CERK: variants seen among roughly 807,000 people sequenced by gnomAD.
CERK encodes the protein acylsphingosine kinase.
Under a neutral mutation model 63.4 loss-of-function variants are expected in CERK, and 39 were observed. The observed-to-expected ratio is 0.61, with a 90% confidence interval of 0.48 to 0.80. The LOEUF is 0.80. CERK is among the 30% of genes least tolerant of loss of function. CERK has a pLI of 0.00. For synonymous variants in CERK, 302 were observed against 280.0 expected (o/e 1.08, Z -0.78); for missense variants, 670 against 714.1 (o/e 0.94, Z 0.70).
chr22:46,727,453 T>C (rs11090891), intron 1 of CERK, among the ~76,000 whole-genome samples: 28 of 30,234 alleles, frequency 9.3e-4, no homozygotes, highest in South Asian at 1.4e-3. Context: ...CTGTTTCTTT[T>C]TTTTTTTTTT....
At chr22:46,718,219 T>A (rs1162465744) in intron 3 of CERK, among the ~76,000 whole-genome samples, 1 of 151,328 alleles carries the variant, frequency 6.6e-6, no homozygotes, top group Non-Finnish European at 1.5e-5. Context: ...ATTATAAAGA[T>A]GAAAATGAAC....
Position 46,691,782 on chromosome 22 carries a change from A to G in CERK, c.1127-5T>C, listed in dbSNP as rs752294987. 6.2e-7 allele frequency: 1 copy of G among 1,605,330 alleles called. No individual in the cohort carries two copies. The highest frequency in any genetic ancestry group is 1.3e-5 in the African/African-American group (1 of 74,710). On this transcript the variant is annotated splice_polypyrimidine_tract_variant and splice_region_variant and intron_variant, in intron 10 of 12. Transcript: ENST00000216264. The stretch of plus-strand genomic sequence containing the variant: ...CTTGCCACTCCTCCACGTCCTCTGA[A>G]GCACAAAGAACCACGGAGATGTCAC...
intron 1 of CERK, among the ~76,000 whole-genome samples, chr22:46,733,085 G>A (rs1047957358): frequency 2.0e-5 from 3 of 150,722 alleles, no homozygotes; most frequent in African/African-American, 7.3e-5. Flanking sequence ...GTGGGTGCCT[G>A]TAGTCCCAGC....
chr22:46,725,868 C>A (rs556669543), intron 1 of CERK, among the ~76,000 whole-genome samples: 1 of 152,242 alleles, frequency 6.6e-6, no homozygotes. Flanking sequence ...GCTGAGAGCA[C>A]GCTGACTTCC....
intron 6 of CERK, among the ~76,000 whole-genome samples, chr22:46,705,960 C>T (rs1204653822): frequency 6.6e-6 from 1 of 152,210 alleles, no homozygotes; most frequent in Non-Finnish European, 1.5e-5. Flanking sequence ...TCACTTGAGC[C>T]TGGGGCAGTC....
intron 2 of CERK, among the ~76,000 whole-genome samples, chr22:46,720,487 G>A (rs953664884): frequency 2.6e-5 from 4 of 152,262 alleles, no homozygotes; most frequent in African/African-American, 9.6e-5. Context: ...CTGAGGTCAG[G>A]AGTTCAAGAC....
chr22:46,691,822 C>A, intron 10 of CERK, 45 bp from the exon 11 acceptor site: 2 of 1,523,080 alleles, frequency 1.3e-6, no homozygotes, highest in Non-Finnish European at 1.8e-6. Flanking sequence ...ACAATGGCGC[C>A]GGGCAGCGCC....
Position 46,720,912 on chromosome 22 carries a change from G to A in CERK, c.246C>T (p.Tyr82=), listed in dbSNP as rs1311810416. 2.4e-5 allele frequency: 39 copies of A among 1,596,166 alleles called. No individual in the cohort carries two copies. The highest frequency in any genetic ancestry group is 6.6e-5 in the South Asian group (6 of 90,726). Residue 82 remains tyrosine, a synonymous_variant, in exon 2 of 13, where the codon TAC becomes TAT. Transcript: ENST00000216264. ...ATTTAGGCTTATCACCTGTAAAAGCGTAAGGCTTTTCCATTTTCTGCCATT... is the reference window on the plus strand; with the variant it reads ...ATTTAGGCTTATCACCTGTAAAAGCATAAGGCTTTTCCATTTTCTGCCATT... The part of the protein sequence containing the change: ...SGKWQKMEKP[Y]AFTVHCVKRA...
In CERK at chr22:46,687,182, G is replaced by A; in HGVS notation, c.1566C>T (p.Leu522=). 6.2e-7 allele frequency: 1 copy of A among 1,614,150 alleles called. No homozygotes were observed. Among genetic ancestry groups the A allele is most frequent in the Non-Finnish European group, 8.5e-7 (1 of 1,180,028 alleles). ...EVRVHCQLVR[L]FARGIEENPK... ...GATTCTCTTCAATTCCTCGTGCAAAGAGTCGAACCAGCTGGCAGTGGACTC... is the reference window on the plus strand; with the variant it reads ...GATTCTCTTCAATTCCTCGTGCAAAAAGTCGAACCAGCTGGCAGTGGACTC... Residue 522 remains leucine (L), a synonymous_variant, in exon 13 of 13, where the codon CTC becomes CTT. Transcript: ENST00000216264.
chr22:46,733,234 AC>A (rs1163260905), intron 1 of CERK, among the ~76,000 whole-genome samples: 1 of 147,646 alleles, frequency 6.8e-6, no homozygotes, highest in Non-Finnish European at 1.5e-5. Context: ...AAAAAAATTA[AC>A]CCTTTCTCTA....
intron 3 of CERK, among the ~76,000 whole-genome samples, chr22:46,719,744 T>C (rs2082882801): frequency 2.6e-5 from 4 of 152,222 alleles, no homozygotes; most frequent in Admixed American, 2.6e-4. Flanking sequence ...TTCCTCCATG[T>C]GCCCAGTTTA....
At chr22:46,735,074 C>A (rs1057005586) in intron 1 of CERK, 8 of 118,940 alleles carry the variant, frequency 6.7e-5, no homozygotes, top group Non-Finnish European at 9.8e-5. Context: ...CCCTCACCCC[C>A]CAACACACAC....
chr22:46,704,244 C>G (rs924240280), intron 6 of CERK, among the ~76,000 whole-genome samples: 14 of 152,304 alleles, frequency 9.2e-5, no homozygotes, highest in Non-Finnish European at 1.5e-4. Context: ...GCCTGCATCC[C>G]CACGAGCACT....
chr22:46,698,628 T>C (rs135681), intron 8 of CERK, among the ~76,000 whole-genome samples: 132,209 of 152,206 alleles, frequency 0.87, 57,920 homozygotes, highest in African/African-American at 0.97. Flanking sequence ...TGGTTGCTCA[T>C]GGTTGTAATC....
chr22:46,735,687 C>T (rs1461102744), intron 1 of CERK, among the ~76,000 whole-genome samples: 1 of 152,180 alleles, frequency 6.6e-6, no homozygotes, highest in Non-Finnish European at 1.5e-5. Context: ...CATCATTCCT[C>T]AACCTAATCA....
At chr22:46,715,793 C>T (rs2082863342) in intron 3 of CERK, among the ~76,000 whole-genome samples, 2 of 152,138 alleles carry the variant, frequency 1.3e-5, no homozygotes, top group African/African-American at 2.4e-5. Context: ...AAATGTGAAG[C>T]GGAAAACAAT....
chr22:46,727,876 T>C (rs1386675527), intron 1 of CERK, among the ~76,000 whole-genome samples: 1 of 146,170 alleles, frequency 6.8e-6, no homozygotes, highest in Non-Finnish European at 1.5e-5. Context: ...GCATGGATGC[T>C]CCCTTAGCAT....
chr22:46,689,619 C>T (rs926773161), intron 12 of CERK, among the ~76,000 whole-genome samples: 4 of 152,210 alleles, frequency 2.6e-5, no homozygotes, highest in Non-Finnish European at 5.9e-5. Flanking sequence ...AGTGATCTGC[C>T]CGCCTCAGCC....
At chr22:46,690,304 G>A in intron 11 of CERK, 104 bp from the exon 12 acceptor site, 2 of 795,150 alleles carry the variant, frequency 2.5e-6, no homozygotes, top group Non-Finnish European at 2.0e-6. Context: ...AGGCCTGGGT[G>A]CACACACGGC....
Sources: allele counts gnomAD v4.1 joint callset (sites outside exome capture counted in the v4.1 genomes callset), GRCh38; gene constraint gnomAD v4.1.1; transcripts MANE v1.5; gene names NCBI Gene and HGNC (gene_info 2026-07-23, HGNC 2026-07-21).